The following TAB2 variants were observed in gnomAD, a reference collection of about 807,000 sequenced individuals.
TAB2 encodes the protein TGF-beta-activated kinase 1 and MAP3K7-binding protein 2.
TAB2 carries 3 observed loss-of-function variants against 65.0 expected under a neutral mutation model. The observed-to-expected ratio is 0.05, with a 90% CI of 0.02 to 0.12. The LOEUF is 0.12. Among genes scored for constraint, TAB2 ranks in the 10% least tolerant of loss-of-function variants. TAB2 has a pLI of 1.00. For missense variants in TAB2, 623 were observed against 840.3 expected (o/e 0.74, Z 3.20); for synonymous variants, 298 against 285.1 (o/e 1.05, Z -0.46).
At chr6:149,375,668 A>G (rs1443077730) in intron 2 of TAB2, among the ~76,000 whole-genome samples, 2 of 152,194 alleles carry the variant, frequency 1.3e-5, no homozygotes, top group Non-Finnish European at 2.9e-5. Flanking sequence ...AGAAGGAAGA[A>G]GAATTTACTT....
intron 1 of TAB2, among the ~76,000 whole-genome samples, chr6:149,332,691 A>T (rs1779818346): frequency 6.6e-6 from 1 of 152,192 alleles, no homozygotes; most frequent in South Asian, 2.1e-4. Flanking sequence ...CATTTATCTT[A>T]CAGATAAAAA....
In TAB2 at chr6:149,249,202, A is replaced by G. The variant is rs778868373; in HGVS notation, c.-121+30426A>G. On this transcript the variant is annotated intron_variant, in intron 1 of 1. Transcript: ENST00000606202. ...CACACACACAGACACCTACCCTACTAGAAGCAATTCTTGGCCACACCTCCC... is the reference window on the plus strand; with the variant it reads ...CACACACACAGACACCTACCCTACTGGAAGCAATTCTTGGCCACACCTCCC... 5.9e-5 allele frequency among the ~76,000 whole-genome samples: 9 copies of G among 152,028 alleles called. 1 individual carries two copies. The South Asian group carries it at 1.9e-3, about 32-fold the overall frequency.
chr6:149,314,084 A>G (rs1779209332), upstream of TAB2, among the ~76,000 whole-genome samples: 1 of 152,190 alleles, frequency 6.6e-6, no homozygotes, highest in African/African-American at 2.4e-5. Flanking sequence ...TGGAATTTCC[A>G]AATTTCCAAA....
chr6:149,374,396 AT>A (rs199944345), intron 2 of TAB2, among the ~76,000 whole-genome samples: 4 of 151,252 alleles, frequency 2.6e-5, no homozygotes, highest in South Asian at 4.2e-4. Flanking sequence ...TAAAAACAAG[AT>A]TTTTTTTTAG....
At chr6:149,277,237 T>C (rs1476803578) in intron 1 of TAB2, among the ~76,000 whole-genome samples, 1 of 152,214 alleles carries the variant, frequency 6.6e-6, no homozygotes, top group Non-Finnish European at 1.5e-5. Context: ...TAGTATAAGT[T>C]TATTCATTGC....
At chr6:149,263,111 C>T (rs899836672) in intron 1 of TAB2, among the ~76,000 whole-genome samples, 4 of 152,148 alleles carry the variant, frequency 2.6e-5, no homozygotes, top group Admixed American at 6.5e-5. Flanking sequence ...GGCCTCTCTT[C>T]ACTCTTTCTA....
At chr6:149,246,631 G>A (rs1020417976) in intron 1 of TAB2, 3 of 152,244 alleles carry the variant, frequency 2.0e-5, no homozygotes, top group African/African-American at 7.2e-5. Context: ...GGAACCTAGG[G>A]CTCAGGCGGA....
chr6:149,366,338 T>C (rs1442891579), intron 1 of TAB2, among the ~76,000 whole-genome samples: 1 of 152,138 alleles, frequency 6.6e-6, no homozygotes, highest in Admixed American at 6.5e-5. Context: ...ATGGAATCTG[T>C]CGCACATATG....
At chr6:149,299,604 AAG>A (rs1056585633) in intron 1 of TAB2, among the ~76,000 whole-genome samples, 1 of 152,218 alleles carries the variant, frequency 6.6e-6, no homozygotes, top group African/African-American at 2.4e-5. Context: ...TCACATCAGA[AAG>A]AAAGTGAATA....
intron 1 of TAB2, among the ~76,000 whole-genome samples, chr6:149,268,153 C>G (rs1463600590): frequency 3.3e-5 from 5 of 152,116 alleles, no homozygotes; most frequent in African/African-American, 1.2e-4. Context: ...AAAAAGAAAC[C>G]CAGACGTCAT....
intron 3 of TAB2, among the ~76,000 whole-genome samples, chr6:149,395,297 A>G (rs551686837): frequency 2.5e-4 from 38 of 152,344 alleles, no homozygotes; most frequent in African/African-American, 8.4e-4. Context: ...ATCTCAACAG[A>G]TATGTTTAAT....
chr6:149,391,688 C>T (rs372130868), intron 3 of TAB2, among the ~76,000 whole-genome samples: 27 of 151,852 alleles, frequency 1.8e-4, no homozygotes, highest in South Asian at 4.2e-4. Context: ...ACTACAGGCG[C>T]GCGCCACCAT....
At chr6:149,376,342 A>G (rs988030960) in intron 2 of TAB2, among the ~76,000 whole-genome samples, 5 of 152,186 alleles carry the variant, frequency 3.3e-5, no homozygotes, top group African/African-American at 1.2e-4. Flanking sequence ...TAATACAGTC[A>G]AACTCTAGCG....
chr6:149,340,885 G>T (rs916655097), intron 1 of TAB2, among the ~76,000 whole-genome samples: 3 of 152,084 alleles, frequency 2.0e-5, no homozygotes, highest in Non-Finnish European at 4.4e-5. Flanking sequence ...CTTGTGGCTT[G>T]TGATACTTGC....
chr6:149,385,686 A>G (rs1424861359), intron 3 of TAB2, among the ~76,000 whole-genome samples: 3 of 152,204 alleles, frequency 2.0e-5, no homozygotes, highest in Non-Finnish European at 4.4e-5. Flanking sequence ...TCCAAAGGTT[A>G]TCCAGTCCAC....
intron 1 of TAB2, among the ~76,000 whole-genome samples, chr6:149,271,917 C>T (rs1778371996): frequency 6.6e-6 from 1 of 151,982 alleles, no homozygotes; most frequent in Non-Finnish European, 1.5e-5. Flanking sequence ...GTTAAGTGGC[C>T]TCACACTCTG....
intron 1 of TAB2, among the ~76,000 whole-genome samples, chr6:149,333,707 T>TTGTGTG (rs1562420150): frequency 1.8e-5 from 2 of 109,788 alleles, no homozygotes; most frequent in Non-Finnish European, 3.6e-5. Flanking sequence ...TCCAGATCCA[T>TTGTGTG]AGTGTGTGTG....
chr6:149,402,347 AT>A (rs1468675130), intron 6 of TAB2, among the ~76,000 whole-genome samples: 3 of 152,278 alleles, frequency 2.0e-5, no homozygotes, highest in East Asian at 3.9e-4. Context: ...TATCCAAAAA[AT>A]ATCCAAAAAA....
At chr6:149,268,747 T>G (rs1000824404) in intron 1 of TAB2, among the ~76,000 whole-genome samples, 1 of 152,246 alleles carries the variant, frequency 6.6e-6, no homozygotes, top group Non-Finnish European at 1.5e-5. Context: ...GCATTCATTG[T>G]GTCTGCAATT....
Sources: gnomAD v4.1 joint callset for allele counts (sites outside exome capture counted in the v4.1 genomes callset) on GRCh38, gnomAD v4.1.1 for gene constraint, MANE v1.5 for transcripts, NCBI Gene and HGNC (gene_info 2026-07-23, HGNC 2026-07-21) for gene names.